Variants in CNOT4 observed in about 807,000 individuals in gnomAD.
CNOT4 encodes CCR4-NOT transcription complex subunit 4.
In CNOT4, 8 loss-of-function variants were observed where a neutral mutation model predicts 73.8. That is an observed-to-expected ratio of 0.11 (90% CI 0.06 to 0.20). The LOEUF is 0.20. Ranked by LOEUF, CNOT4 falls within the 10% of genes least tolerant of loss-of-function variation. CNOT4 has a pLI of 1.00. For synonymous variants in CNOT4, 293 were observed against 321.1 expected, an observed-to-expected ratio of 0.91 and a Z score of 0.94; for missense variants, 564 against 883.4, an observed-to-expected ratio of 0.64 and a Z score of 4.58.
Position 135,363,955 on chromosome 7 carries a change from G to A in CNOT4, c.1739C>T (p.Pro580Leu). Residue 580 changes from proline (P) to leucine (L), a missense_variant, in exon 11 of 12, where the codon CCC becomes CTC. Pro to Leu is a moderately conservative substitution (Grantham distance 98). Around this residue, in one of 10 missense-constraint regions of CNOT4, gnomAD observed 53 missense variants for 75.4 expected, o/e 0.70. Coordinates refer to ENST00000541284, the MANE Select transcript of CNOT4 (RefSeq NM_001190850.2). The surrounding 1 kb of genome is among the most constrained non-coding windows in gnomAD (Gnocchi z 4.3). ...TGGTGCACTGTGGTTGGCGTTGGAG[G>A]GGGAAGAAGAATTGGGCAGTCCACC... ...NFGGLPNSSS[P>L]SNANHSAPTS... 6.3e-7 allele frequency: 1 copy of A among 1,598,520 alleles called. No individual in the cohort carries two copies. The highest frequency in any genetic ancestry group is 8.5e-7 in the Non-Finnish European group (1 of 1,179,768).
At position 135,362,467 on chromosome 7, in the gene CNOT4, T is replaced by A; in HGVS notation, c.*418A>T. ...CCCCCATGCATTTAGCAATCTCACGTAAATGAACCTGGTTTTCAAACTTCT... is the reference window on the plus strand; with the variant it reads ...CCCCCATGCATTTAGCAATCTCACGAAAATGAACCTGGTTTTCAAACTTCT... On this transcript the variant is annotated 3_prime_UTR_variant, in exon 12 of 12. Transcript: ENST00000541284. 1 of 312,468 alleles carries A rather than the reference T, an allele frequency of 3.2e-6. No homozygotes were observed. The highest frequency in any genetic ancestry group is 3.0e-5 in the South Asian group (1 of 33,620). 19.4% of individuals were successfully genotyped at this position (312,468 alleles called of 1,614,324 possible).
intron 7 of CNOT4, among the ~76,000 whole-genome samples, chr7:135,400,305 T>G (rs150624845): frequency 0.024 from 3,638 of 152,186 alleles, 73 homozygotes; most frequent in Middle Eastern, 0.037. Context: ...ATGACCTAAA[T>G]AAGCAGTGTT....
chr7:135,369,772 C>T (rs1365710264), intron 10 of CNOT4, among the ~76,000 whole-genome samples: 3 of 152,184 alleles, frequency 2.0e-5, no homozygotes, highest in Non-Finnish European at 4.4e-5. Context: ...GATCTCCTAC[C>T]AGTTTTGGGA....
chr7:135,376,806 A>C (rs1464987861), intron 10 of CNOT4, among the ~76,000 whole-genome samples: 1 of 152,226 alleles, frequency 6.6e-6, no homozygotes. Context: ...AAAATCCCAA[A>C]TAAGAATAAA....
chr7:135,473,373 A>C (rs78238846), intron 1 of CNOT4, among the ~76,000 whole-genome samples: 12,048 of 152,284 alleles, frequency 0.079, 660 homozygotes, highest in Non-Finnish European at 0.12. Context: ...AAAACAAAAA[A>C]AATAAGAAAA....
intron 7 of CNOT4, 37 bp from the exon 8 acceptor site, chr7:135,398,263 T>C (rs376746186): frequency 5.5e-5 from 58 of 1,060,342 alleles, no homozygotes; most frequent in Non-Finnish European, 8.0e-5. Context: ...AATCAGAATA[T>C]AGTCATTCTC....
In CNOT4 at chr7:135,482,759, T is replaced by C. The variant is rs1585714381; in HGVS notation, c.-93+27130A>G. 2.6e-5 allele frequency among the ~76,000 whole-genome samples: 4 copies of C among 151,136 alleles called. 1 individual carries two copies. The highest frequency in any genetic ancestry group is 9.7e-5 in the African/African-American group (4 of 41,188). The stretch of plus-strand genomic sequence containing the variant: ...ACTTTGGGAGGCCAAGGCAGGCAGA[T>C]GACCTGAGGTCAGGAGTTCAAGACC... On this transcript the variant is annotated intron_variant, in intron 1 of 11. Transcript: ENST00000541284.
intron 1 of CNOT4, among the ~76,000 whole-genome samples, chr7:135,463,294 T>C (rs1380010997): frequency 6.6e-6 from 1 of 152,054 alleles, no homozygotes; most frequent in Non-Finnish European, 1.5e-5. Flanking sequence ...TCCCAGCACT[T>C]TGGGAGGCCG....
intron 2 of CNOT4, among the ~76,000 whole-genome samples, chr7:135,426,196 A>G (rs756639041): frequency 1.3e-5 from 2 of 152,196 alleles, no homozygotes; most frequent in Non-Finnish European, 2.9e-5. Context: ...CTTGGGTGAC[A>G]AGGCAAGACC....
intron 1 of CNOT4, among the ~76,000 whole-genome samples, chr7:135,438,751 C>CAA (rs1799303543): frequency 6.6e-6 from 1 of 152,086 alleles, no homozygotes; most frequent in African/African-American, 2.4e-5. Flanking sequence ...CATCTTTGAC[C>CAA]TAAAACCTAG....
rs1306486644 is a variant in CNOT4 at position 135,364,466 on chromosome 7, A to G, written c.1628-400T>C. Among the ~76,000 whole-genome samples the G allele has an allele frequency of 1.3e-5, 2 of 152,260 alleles. No individual in the cohort carries two copies. Among genetic ancestry groups the G allele is most frequent in the Non-Finnish European group, 2.9e-5 (2 of 68,046 alleles). ...AAAAAAGCCAAGTCTGCAAAGTCCA[A>G]TATAGGAGCTTATTTCTCAGCCCAC... On this transcript the variant is annotated intron_variant, in intron 10 of 11. Coordinates refer to ENST00000541284, the MANE Select transcript of CNOT4 (RefSeq NM_001190850.2). The surrounding 1 kb of genome is among the most constrained non-coding windows in gnomAD (Gnocchi z 4.3).
intron 1 of CNOT4, among the ~76,000 whole-genome samples, chr7:135,473,612 C>T (rs934737997): frequency 5.3e-5 from 8 of 152,078 alleles, no homozygotes; most frequent in South Asian, 2.1e-4. Context: ...CCAGGCATGA[C>T]GGTGCACGCC....
chr7:135,441,733 G>C (rs893568811), intron 1 of CNOT4, among the ~76,000 whole-genome samples: 7 of 152,124 alleles, frequency 4.6e-5, no homozygotes, highest in African/African-American at 1.7e-4. Context: ...TTTCTAGAAG[G>C]TAAATTACCA....
At chr7:135,394,898 T>G (rs992639651) in intron 9 of CNOT4, among the ~76,000 whole-genome samples, 11 of 152,154 alleles carry the variant, frequency 7.2e-5, no homozygotes, top group African/African-American at 1.9e-4. Context: ...GCTCCACAGG[T>G]GCTGTTGTCA....
rs1289365502 is a variant in CNOT4 at position 135,504,715 on chromosome 7, T to C, written c.-93+5174A>G. 4.9e-5 allele frequency among the ~76,000 whole-genome samples: 6 copies of C among 122,906 alleles called. 1 individual carries two copies. The highest frequency in any genetic ancestry group is 1.7e-4 in the African/African-American group (5 of 29,222). 80.6% of individuals were successfully genotyped at this position (122,906 alleles called of 152,430 possible). The stretch of plus-strand genomic sequence containing the variant: ...TTTAGCCGGGATGGTCTCGATCTCC[T>C]GATCTCGTGATCCGCCCGCCTCGGC... On this transcript the variant is annotated intron_variant, in intron 1 of 11. Transcript: ENST00000541284.
chr7:135,468,684 C>CAAAA (rs34174386), intron 1 of CNOT4, among the ~76,000 whole-genome samples: 1 of 124,706 alleles, frequency 8.0e-6, no homozygotes, highest in African/African-American at 3.0e-5. Context: ...GACTCTGTCT[C>CAAAA]AAAAAAAAAA....
At chr7:135,365,408 T>C (rs772479191) in intron 10 of CNOT4, among the ~76,000 whole-genome samples, 15 of 7,090 alleles carry the variant, frequency 2.1e-3, no homozygotes, top group Non-Finnish European at 3.5e-3. Flanking sequence ...TATTTGCATA[T>C]TATTTTACAT....
At chr7:135,500,733 G>A (rs1203492221) in intron 1 of CNOT4, among the ~76,000 whole-genome samples, 3 of 152,060 alleles carry the variant, frequency 2.0e-5, no homozygotes, top group Non-Finnish European at 1.5e-5. Flanking sequence ...GCTCTGATCA[G>A]GCCATTATTA....
At chr7:135,473,054 AC>A (rs772324261) in intron 1 of CNOT4, among the ~76,000 whole-genome samples, 2 of 148,640 alleles carry the variant, frequency 1.3e-5, no homozygotes, top group Non-Finnish European at 3.0e-5. Flanking sequence ...AAAAAAAAAT[AC>A]AATTTATAGT....
Sources: allele counts gnomAD v4.1 joint callset (sites outside exome capture counted in the v4.1 genomes callset), GRCh38; gene constraint gnomAD v4.1.1; regional missense constraint gnomAD v4.1.1; non-coding constraint Gnocchi (gnomAD v3.1); transcripts MANE v1.5; gene names NCBI Gene and HGNC (gene_info 2026-07-23, HGNC 2026-07-21).